ROBO1: variants seen among roughly 807,000 people sequenced by gnomAD.
The protein encoded by ROBO1 is roundabout homolog 1.
Under a neutral mutation model 195.9 loss-of-function variants are expected in ROBO1, and 149 were observed. The observed-to-expected ratio is 0.76, with a 90% confidence interval of 0.67 to 0.87. The LOEUF (loss-of-function observed/expected upper bound fraction) is 0.87. ROBO1 is among the 40% of genes least tolerant of loss of function. ROBO1 has a pLI of 0.00. For synonymous variants in ROBO1, 816 were observed against 733.2 expected (o/e 1.11, Z -1.82); for missense variants, 1,933 against 2,068.3 (o/e 0.93, Z 1.27).
intron 4 of ROBO1, among the ~76,000 whole-genome samples, chr3:78,776,250 AT>A (rs2083502467): frequency 6.6e-6 from 1 of 151,824 alleles, no homozygotes; most frequent in African/African-American, 2.4e-5. Flanking sequence ...TTATTTATTT[AT>A]TTATTTATTT....
intron 1 of ROBO1, among the ~76,000 whole-genome samples, chr3:79,709,053 A>G (rs924894963): frequency 1.3e-5 from 2 of 152,190 alleles, no homozygotes; most frequent in Non-Finnish European, 2.9e-5. Context: ...ACACACAGGC[A>G]CACACAAACA....
intron 2 of ROBO1, among the ~76,000 whole-genome samples, chr3:79,303,331 A>G (rs1026150030): frequency 1.3e-5 from 2 of 151,808 alleles, no homozygotes; most frequent in Non-Finnish European, 2.9e-5. Flanking sequence ...ATGCCCTGCT[A>G]ATTTTTGTCT....
intron 4 of ROBO1, 184 bp downstream of exon 4, chr3:78,938,417 T>C (rs963050113): frequency 2.1e-5 from 12 of 560,456 alleles, no homozygotes; most frequent in Non-Finnish European, 3.7e-5. Context: ...CCAATTTAGC[T>C]TGAATAACAA....
At chr3:79,428,655 C>T (rs2038549747) in intron 2 of ROBO1, among the ~76,000 whole-genome samples, 1 of 152,124 alleles carries the variant, frequency 6.6e-6, no homozygotes, top group Non-Finnish European at 1.5e-5. Context: ...AAAAGGAAAA[C>T]ACATGCCCAC....
At position 78,885,890 on chromosome 3, in the gene ROBO1, T is replaced by C. The variant is rs2036529888; in HGVS notation, c.499+52711A>G. The stretch of plus-strand genomic sequence containing the variant: ...AAGTAAAATGGCATTTTCAAGACCC[T>C]ACTACTGATAGCAAAATTTTATATA... On this transcript the variant is annotated intron_variant, in intron 4 of 30. Coordinates refer to ENST00000464233, the MANE Select transcript of ROBO1 (RefSeq NM_002941.4). Among the ~76,000 whole-genome samples, 7 of 137,692 alleles carry C rather than the reference T, an allele frequency of 5.1e-5. No homozygotes were observed. The South Asian group carries it at 1.6e-3, about 32-fold the overall frequency. 90.3% of individuals were successfully genotyped at this position (137,692 alleles called of 152,430 possible).
chr3:79,524,150 T>A (rs956895495), intron 2 of ROBO1, among the ~76,000 whole-genome samples: 1 of 151,338 alleles, frequency 6.6e-6, no homozygotes, highest in African/African-American at 2.4e-5. Flanking sequence ...CTCCCACTAT[T>A]CTCCTTCATT....
At chr3:78,948,501 G>A (rs932714168) in intron 3 of ROBO1, among the ~76,000 whole-genome samples, 1 of 152,138 alleles carries the variant, frequency 6.6e-6, no homozygotes, top group African/African-American at 2.4e-5. Context: ...AGTAGGTATT[G>A]ATGGGACAAA....
intron 2 of ROBO1, among the ~76,000 whole-genome samples, chr3:79,532,577 A>C (rs1433758758): frequency 6.6e-6 from 1 of 152,202 alleles, no homozygotes; most frequent in Non-Finnish European, 1.5e-5. Flanking sequence ...ACTGGTACAG[A>C]GGAAGAGCAA....
At chr3:79,296,850 T>G (rs2032622188) in intron 2 of ROBO1, among the ~76,000 whole-genome samples, 1 of 152,178 alleles carries the variant, frequency 6.6e-6, no homozygotes, top group Non-Finnish European at 1.5e-5. Context: ...CCCCATCTTT[T>G]GTAGATACTC....
chr3:78,684,539 GA>G (rs751942272), intron 10 of ROBO1, among the ~76,000 whole-genome samples: 2 of 152,054 alleles, frequency 1.3e-5, no homozygotes, highest in African/African-American at 2.4e-5. Context: ...ACGTAATCGG[GA>G]AAATAAGAGT....
Position 79,592,376 on chromosome 3 carries a change from G to A in ROBO1, c.-50-2415C>T, listed in dbSNP as rs1944030375. Among the ~76,000 whole-genome samples the A allele has an allele frequency of 2.0e-5, 3 of 151,962 alleles. No individual in the cohort carries two copies. In the South Asian group the frequency reaches 6.2e-4, roughly 32 times the overall value. ...TAATATTCCTCAAATAAATTTTCAT[G>A]ATCTAGGACTAGTTCTGTGAATTTA... On this transcript the variant is annotated intron_variant, in intron 1 of 30. Transcript: ENST00000464233.
At chr3:79,606,035 C>CATATATATATATATAT (rs111238153) in intron 1 of ROBO1, among the ~76,000 whole-genome samples, 14 of 146,778 alleles carry the variant, frequency 9.5e-5, no homozygotes, top group African/African-American at 3.3e-4. Flanking sequence ...CATGTACCCA[C>CATATATATATATATAT]ATATATATAT....
intron 2 of ROBO1, among the ~76,000 whole-genome samples, chr3:79,310,936 A>G (rs1051415252): frequency 2.0e-5 from 3 of 152,218 alleles, no homozygotes; most frequent in Non-Finnish European, 4.4e-5. Flanking sequence ...GTATGATGAT[A>G]TCCACTGTGG....
Position 79,358,678 on chromosome 3 carries a change from C to T in ROBO1, c.88+231146G>A, listed in dbSNP as rs530976955. Among the ~76,000 whole-genome samples, 9 of 152,018 alleles carry T rather than the reference C, an allele frequency of 5.9e-5. No individual in the cohort carries two copies. The South Asian group carries it at 1.9e-3, about 32-fold the overall frequency. On this transcript the variant is annotated intron_variant, in intron 2 of 30. Transcript: ENST00000464233. Reference sequence around the variant, plus strand: ...TTAACAGTACTTGTACGTTTGAGACCTATTTGCCATTTTAATAAAAGGAAA... The same window carrying T: ...TTAACAGTACTTGTACGTTTGAGACTTATTTGCCATTTTAATAAAAGGAAA...
intron 4 of ROBO1, among the ~76,000 whole-genome samples, chr3:78,813,560 G>A (rs1354432576): frequency 6.6e-6 from 1 of 151,964 alleles, no homozygotes; most frequent in Non-Finnish European, 1.5e-5. Flanking sequence ...AGAATTCTCA[G>A]AATCGTTCTG....
chr3:79,720,601 AACAAG>A (rs1327806243), intron 1 of ROBO1, among the ~76,000 whole-genome samples: 2 of 152,190 alleles, frequency 1.3e-5, no homozygotes, highest in Non-Finnish European at 2.9e-5. Flanking sequence ...TGCATTAAGT[AACAAG>A]ACAAGAGAGA....
At chr3:78,998,483 T>C (rs1237947932) in intron 3 of ROBO1, among the ~76,000 whole-genome samples, 1 of 152,128 alleles carries the variant, frequency 6.6e-6, no homozygotes. Context: ...ATTTCAGGCA[T>C]TGCATTTCAT....
At chr3:79,097,660 T>C (rs867100427) in intron 3 of ROBO1, among the ~76,000 whole-genome samples, 30 of 151,800 alleles carry the variant, frequency 2.0e-4, no homozygotes, top group Admixed American at 8.6e-4. Flanking sequence ...TGAATGAATG[T>C]TTTCAGTGTT....
At chr3:79,393,061 C>T (rs1204827251) in intron 2 of ROBO1, among the ~76,000 whole-genome samples, 5 of 152,178 alleles carry the variant, frequency 3.3e-5, no homozygotes, top group African/African-American at 9.6e-5. Flanking sequence ...ACAAATCATT[C>T]AAGACCTTTC....
Sources: gnomAD v4.1 joint callset for allele counts (sites outside exome capture counted in the v4.1 genomes callset) on GRCh38, gnomAD v4.1.1 for gene constraint, MANE v1.5 for transcripts, NCBI Gene and HGNC (gene_info 2026-07-23, HGNC 2026-07-21) for gene names.